Variants in MOV10L1 observed in about 807,000 individuals in gnomAD.
MOV10L1 encodes the protein Mov10 like RNA helicase 1.
A neutral mutation model predicts 143.8 loss-of-function variants in MOV10L1; 110 were observed. The observed-to-expected ratio is 0.76, with a 90% CI of 0.66 to 0.90. The LOEUF is 0.90. MOV10L1 is among the 40% of genes least tolerant of loss of function. The pLI is 0.00. For synonymous variants in MOV10L1, 593 were observed against 581.1 expected (o/e 1.02, Z -0.29); for missense variants, 1,406 against 1,526.8 (o/e 0.92, Z 1.32).
At chr22:50,136,807 C>G (rs1281507683) in intron 15 of MOV10L1, among the ~76,000 whole-genome samples, 1 of 152,124 alleles carries the variant, frequency 6.6e-6, no homozygotes. Flanking sequence ...AGTAAAATAC[C>G]CAGGCCTGGA....
chr22:50,132,183 G>T (rs141831552), intron 13 of MOV10L1, among the ~76,000 whole-genome samples: 33 of 152,232 alleles, frequency 2.2e-4, no homozygotes, highest in Non-Finnish European at 1.0e-4. Context: ...TACGAAGCTG[G>T]GGGGAACACA....
chr22:50,122,060 G>A (rs1052764391), intron 10 of MOV10L1, among the ~76,000 whole-genome samples: 1 of 152,086 alleles, frequency 6.6e-6, no homozygotes, highest in Admixed American at 6.6e-5. Flanking sequence ...AAAGTGCTTG[G>A]GATTACAGGT....
At chr22:50,090,553 T>G in intron 1 of MOV10L1, 1 of 1,593,002 alleles carries the variant, frequency 6.3e-7, no homozygotes, top group Non-Finnish European at 8.6e-7. Context: ...CCCGCAGACT[T>G]GGCCTGTCCT....
Position 50,108,678 on chromosome 22 carries a change from G to A in MOV10L1, c.577G>A (p.Gly193Arg). Residue 193 changes from glycine (G) to arginine (R), a missense_variant, in exon 5 of 27, where the codon GGA (glycine) becomes AGA (arginine). By Grantham distance (125) the Gly-to-Arg change is moderately radical. Around this residue, in one of 3 missense-constraint regions of MOV10L1, gnomAD observed 1,233 missense variants for 1,351.4 expected, o/e 0.91. Coordinates refer to ENST00000262794, the MANE Select transcript of MOV10L1 (RefSeq NM_018995.3). ...CCAGGTCTGCATCTCTAGCCTCTGT[G>A]GAAGGAACGGGGTGTTAGAGGAAAG... ...VDKVCISSLC[G>R]RNGVLEESIF... The A allele has an allele frequency of 6.2e-7, 1 of 1,614,134 alleles. No individual in the cohort carries two copies. Among genetic ancestry groups the A allele is most frequent in the Non-Finnish European group, 8.5e-7 (1 of 1,180,016 alleles).
At position 50,126,278 on chromosome 22, in the gene MOV10L1, A is replaced by C; in HGVS notation, c.1818+6A>C. ...ACATCAGCTACGTGACTGAGGTGAG[A>C]GCACTCTCTCTTAATGAGTTTGTGT... On this transcript the variant is annotated splice_donor_region_variant and intron_variant, in intron 12 of 26. Transcript: ENST00000262794. 2 of 1,605,892 alleles carry C rather than the reference A, an allele frequency of 1.2e-6. No individual in the cohort carries two copies. Among genetic ancestry groups the C allele is most frequent in the Non-Finnish European group, 1.7e-6 (2 of 1,172,626 alleles).
intron 16 of MOV10L1, 39 bp from the exon 17 acceptor site, chr22:50,142,995 TTGAGAGCTG>T: frequency 6.3e-7 from 1 of 1,583,154 alleles, no homozygotes; most frequent in Non-Finnish European, 8.6e-7. Context: ...TCCACAGCTG[TTGAGAGCTG>T]TTTGCATCTA....
intron 19 of MOV10L1, chr22:50,146,878 A>T: frequency 3.4e-6 from 2 of 585,786 alleles, no homozygotes; most frequent in Non-Finnish European, 6.2e-6. Flanking sequence ...GACACTTTAC[A>T]TTTTTTTTGG....
At chr22:50,133,133 C>T (rs2062724153) in intron 13 of MOV10L1, among the ~76,000 whole-genome samples, 1 of 151,904 alleles carries the variant, frequency 6.6e-6, no homozygotes, top group African/African-American at 2.4e-5. Flanking sequence ...AACTTGTGTG[C>T]CAGTGTGGAA....
intron 2 of MOV10L1, among the ~76,000 whole-genome samples, chr22:50,096,827 G>A (rs2062601590): frequency 6.6e-6 from 1 of 152,064 alleles, no homozygotes; most frequent in Non-Finnish European, 1.5e-5. Context: ...TTGAAATTAG[G>A]TTGTTTTCTT....
At chr22:50,092,567 G>A (rs947435896) in intron 2 of MOV10L1, among the ~76,000 whole-genome samples, 4 of 152,098 alleles carry the variant, frequency 2.6e-5, no homozygotes, top group Non-Finnish European at 5.9e-5. Context: ...GAGCCCAGAG[G>A]GTCAAGGCTG....
intron 3 of MOV10L1, among the ~76,000 whole-genome samples, chr22:50,107,525 AAAT>A (rs780587839): frequency 3.3e-5 from 5 of 152,140 alleles, no homozygotes; most frequent in African/African-American, 7.2e-5. Context: ...GCTTATTGCA[AAAT>A]AACAAAAAGA....
At chr22:50,125,685 G>T in intron 11 of MOV10L1, 116 bp downstream of exon 11, 3 of 1,129,022 alleles carry the variant, frequency 2.7e-6, no homozygotes, top group South Asian at 3.7e-5. Flanking sequence ...CTTTCTTTTG[G>T]GTTAGAATTT....
rs144190475 is a variant in MOV10L1 at position 50,142,093 on chromosome 22, A to G, written c.2083A>G (p.Met695Val). The change falls in exon 16 of 27, where the codon ATG (methionine) becomes GTG (valine). Residue 695 changes from methionine to valine, a missense_variant. By Grantham distance (21) the Met-to-Val change is conservative. Around this residue, in one of 3 missense-constraint regions of MOV10L1, gnomAD observed 1,233 missense variants for 1,351.4 expected, o/e 0.91. Transcript: ENST00000262794. The stretch of plus-strand genomic sequence containing the variant: ...TGATAATTTCTAGAATAGGAAAACA[A>G]TGACGGACCAAGCTGAGCATGGAAC... ...QSTSKKNRKTMTDQAEHGTEE... is the reference protein window; with the variant it reads ...QSTSKKNRKTVTDQAEHGTEE... 8 of 1,608,948 alleles carry G rather than the reference A, an allele frequency of 5.0e-6. No homozygotes were observed. The highest frequency in any genetic ancestry group is 4.5e-5 in the East Asian group (2 of 44,788).
intron 1 of MOV10L1, chr22:50,090,488 C>T (rs1268391089): frequency 1.9e-6 from 3 of 1,610,286 alleles, no homozygotes; most frequent in African/African-American, 1.3e-5. Flanking sequence ...GTCGTTCCTC[C>T]CTGTCCGCAG....
intron 21 of MOV10L1, among the ~76,000 whole-genome samples, chr22:50,151,269 CA>C (rs1478860996): frequency 7.9e-5 from 12 of 152,204 alleles, no homozygotes; most frequent in Non-Finnish European, 1.3e-4. Flanking sequence ...AACCTTGCAC[CA>C]AATTCTGAGG....
At chr22:50,092,478 A>C (rs1017340867) in intron 2 of MOV10L1, among the ~76,000 whole-genome samples, 10 of 152,056 alleles carry the variant, frequency 6.6e-5, no homozygotes, top group African/African-American at 1.4e-4. Flanking sequence ...CAAAAAAAAA[A>C]CCCACAAAAG....
chr22:50,108,815 G>A lies in MOV10L1; in HGVS notation c.714G>A (p.Arg238=), dbSNP rs377650137. ...GCAGCCAGTCATGCTATGTCTGGAG[G>A]GCACTTTGTATGACCCTAGTGAAGA... ...VESSQSCYVW[R]ALCMTLVKRR... The change falls in exon 5 of 27, where the codon AGG becomes AGA. Residue 238 remains arginine, a synonymous_variant. Transcript: ENST00000262794. The A allele has an allele frequency of 5.6e-6, 9 of 1,614,042 alleles. No homozygotes were observed. In the African/African-American group the frequency reaches 9.3e-5, roughly 17 times the overall value.
intron 21 of MOV10L1, among the ~76,000 whole-genome samples, chr22:50,151,707 G>C (rs1169811051): frequency 6.6e-6 from 1 of 152,260 alleles, no homozygotes; most frequent in Non-Finnish European, 1.5e-5. Context: ...CAGTGCCGCT[G>C]TGCGCCTGTA....
intron 20 of MOV10L1, among the ~76,000 whole-genome samples, chr22:50,150,177 T>C (rs146698873): frequency 6.6e-6 from 1 of 152,364 alleles, no homozygotes; most frequent in Non-Finnish European, 1.5e-5. Flanking sequence ...GTTCTCTCAC[T>C]GTGGCTCATC....
Sources: allele counts gnomAD v4.1 joint callset (sites outside exome capture counted in the v4.1 genomes callset), GRCh38; gene constraint gnomAD v4.1.1; regional missense constraint gnomAD v4.1.1; transcripts MANE v1.5; gene names NCBI Gene and HGNC (gene_info 2026-07-23, HGNC 2026-07-21).